Variants in NEK11 observed in about 807,000 individuals in gnomAD.
NEK11 encodes the protein NIMA related kinase 11.
A neutral mutation model predicts 80.7 loss-of-function variants in NEK11; 72 were observed. That is an observed-to-expected ratio of 0.89 (90% CI 0.74 to 1.08). NEK11 has a LOEUF of 1.08. Among genes scored for constraint, NEK11 ranks in the 50% least tolerant of loss-of-function variants. The pLI is 0.00. For missense variants in NEK11, 764 were observed against 763.6 expected, an observed-to-expected ratio of 1.00 and a Z score of -0.01; for synonymous variants, 251 against 260.7, an observed-to-expected ratio of 0.96 and a Z score of 0.36.
chr3:131,198,557 T>G (rs2094113739), intron 14 of NEK11, among the ~76,000 whole-genome samples: 1 of 152,244 alleles, frequency 6.6e-6, no homozygotes, highest in African/African-American at 2.4e-5. Context: ...TGTATCATTT[T>G]AACTTTTTCA....
intron 3 of NEK11, among the ~76,000 whole-genome samples, chr3:131,046,501 GT>G (rs2067411779): frequency 6.6e-6 from 1 of 151,816 alleles, no homozygotes; most frequent in Non-Finnish European, 1.5e-5. Flanking sequence ...TCCTTTATAG[GT>G]TACTTGATGC....
chr3:131,186,806 T>A (rs1201071877), intron 14 of NEK11, among the ~76,000 whole-genome samples: 2 of 152,186 alleles, frequency 1.3e-5, no homozygotes, highest in Non-Finnish European at 2.9e-5. Context: ...ACTTTTGCAA[T>A]GGAAATATTT....
intron 14 of NEK11, among the ~76,000 whole-genome samples, chr3:131,177,322 A>G (rs772641881): frequency 1.3e-5 from 2 of 152,222 alleles, no homozygotes; most frequent in African/African-American, 4.8e-5. Flanking sequence ...TTTTTCATCA[A>G]TAAAATGCAG....
At chr3:131,234,677 C>G (rs888235392) in intron 15 of NEK11, among the ~76,000 whole-genome samples, 1 of 152,078 alleles carries the variant, frequency 6.6e-6, no homozygotes, top group Non-Finnish European at 1.5e-5. Flanking sequence ...CCCCTTCTCT[C>G]TCTCCCATTT....
intron 11 of NEK11, among the ~76,000 whole-genome samples, chr3:131,164,123 A>G (rs913810796): frequency 2.0e-5 from 3 of 152,238 alleles, no homozygotes; most frequent in Non-Finnish European, 4.4e-5. Context: ...TTTTCCCGTA[A>G]CATTTGCTTT....
At chr3:131,113,991 A>G (rs1014138583) in intron 5 of NEK11, among the ~76,000 whole-genome samples, 6 of 151,602 alleles carry the variant, frequency 4.0e-5, no homozygotes, top group Admixed American at 6.6e-5. Flanking sequence ...CTCTTGAAAA[A>G]TTTCTTGTAT....
intron 17 of NEK11, among the ~76,000 whole-genome samples, chr3:131,291,926 G>C (rs1266962067): frequency 6.6e-6 from 1 of 152,122 alleles, no homozygotes; most frequent in African/African-American, 2.4e-5. Context: ...GTCTTTCACA[G>C]AGCGGTCCAG....
rs1439937269 is a variant in NEK11 at position 131,143,753 on chromosome 3, A to G, written c.648-8635A>G. ...TAAGTACTATTACTTCAAGCAGCCC[A>G]ATGTTTTTCATTATATTTATTTTCA... On this transcript the variant is annotated intron_variant, in intron 7 of 17. Transcript: ENST00000383366. Among the ~76,000 whole-genome samples, 4 of 150,014 alleles carry G rather than the reference A, an allele frequency of 2.7e-5. No individual in the cohort carries two copies. In the East Asian group the frequency reaches 7.7e-4, roughly 29 times the overall value.
intron 3 of NEK11, among the ~76,000 whole-genome samples, chr3:131,062,731 C>G (rs975838383): frequency 6.6e-6 from 1 of 152,156 alleles, no homozygotes; most frequent in Non-Finnish European, 1.5e-5. Flanking sequence ...GATTTAGCAC[C>G]ACAGCCTGAT....
chr3:131,111,692 A>G (rs892864283), intron 5 of NEK11, among the ~76,000 whole-genome samples: 1 of 152,098 alleles, frequency 6.6e-6, no homozygotes, highest in Non-Finnish European at 1.5e-5. Flanking sequence ...GTGCAAAAGT[A>G]ATTGTGGTTT....
chr3:131,306,953 G>GC (rs1423007162), intron 17 of NEK11, among the ~76,000 whole-genome samples: 1 of 152,136 alleles, frequency 6.6e-6, no homozygotes, highest in Non-Finnish European at 1.5e-5. Context: ...CCTCTGGTAA[G>GC]CCATGACTCC....
chr3:131,098,299 A>T (rs1386430009), intron 4 of NEK11, among the ~76,000 whole-genome samples: 1 of 152,254 alleles, frequency 6.6e-6, no homozygotes, highest in African/African-American at 2.4e-5. Flanking sequence ...GCCAAAATTG[A>T]CAAATGCTAT....
At chr3:131,156,710 C>A (rs2090701487) in intron 10 of NEK11, among the ~76,000 whole-genome samples, 1 of 152,068 alleles carries the variant, frequency 6.6e-6, no homozygotes, top group African/African-American at 2.4e-5. Context: ...AGTTACTTAA[C>A]CTCTCTATGA....
intron 3 of NEK11, among the ~76,000 whole-genome samples, chr3:131,044,422 C>CAAAAAAAAAAAAAAAAAA (rs57412173): frequency 4.8e-4 from 18 of 37,744 alleles, no homozygotes; most frequent in Non-Finnish European, 5.5e-4. Context: ...AAATGGAAAG[C>CAAAAAAAAAAAAAAAAAA]AAAAAAAAAA....
intron 3 of NEK11, among the ~76,000 whole-genome samples, chr3:131,071,299 A>G (rs1339784270): frequency 6.6e-6 from 1 of 152,134 alleles, no homozygotes; most frequent in African/African-American, 2.4e-5. Context: ...AGAAAAAGGT[A>G]TATTTATTAC....
At chr3:131,084,383 A>C (rs2075707923) in intron 4 of NEK11, among the ~76,000 whole-genome samples, 1 of 152,198 alleles carries the variant, frequency 6.6e-6, no homozygotes, top group Admixed American at 6.5e-5. Context: ...TCAAACACTA[A>C]TGGTAATGAT....
At chr3:131,273,413 T>C in intron 16 of NEK11, 65 bp from the exon 17 acceptor site, 1 of 1,281,240 alleles carries the variant, frequency 7.8e-7, no homozygotes, top group Non-Finnish European at 1.1e-6. Flanking sequence ...TGATTGCCCT[T>C]GAACATCGCC....
chr3:131,123,357 G>A (rs957700818), intron 5 of NEK11, among the ~76,000 whole-genome samples: 5 of 151,890 alleles, frequency 3.3e-5, no homozygotes, highest in African/African-American at 1.2e-4. Context: ...AGTAGAGATG[G>A]GGTTTCACCG....
At chr3:131,131,768 C>T (rs2084525672) in intron 5 of NEK11, among the ~76,000 whole-genome samples, 1 of 151,812 alleles carries the variant, frequency 6.6e-6, no homozygotes, top group African/African-American at 2.4e-5. Context: ...CTTTTCTTTT[C>T]TAGTTTTCTA....
Sources: allele counts gnomAD v4.1 joint callset (sites outside exome capture counted in the v4.1 genomes callset), GRCh38; gene constraint gnomAD v4.1.1; transcripts MANE v1.5; gene names NCBI Gene and HGNC (gene_info 2026-07-23, HGNC 2026-07-21).